Variants in CSMD1 observed in about 807,000 individuals in gnomAD.
CSMD1 encodes CUB and Sushi multiple domains 1, also known as CUB and sushi domain-containing protein 1.
A neutral mutation model predicts 417.5 loss-of-function variants in CSMD1; 213 were observed. The observed-to-expected ratio is 0.51, with a 90% CI of 0.46 to 0.57. The LOEUF (loss-of-function observed/expected upper bound fraction) is 0.57, where lower values mean the gene tolerates loss of function less well. CSMD1 is among the 20% of genes least tolerant of loss of function. The pLI is 0.00. For synonymous variants in CSMD1, 2,862 were observed against 1,736.8 expected (o/e 1.65, Z -16.11); for missense variants, 6,923 against 4,529.7 (o/e 1.53, Z -15.17).
intron 5 of CSMD1, among the ~76,000 whole-genome samples, chr8:3,761,690 G>A (rs945156597): frequency 6.6e-6 from 1 of 151,976 alleles, no homozygotes; most frequent in African/African-American, 2.4e-5. Context: ...ATTTTTAGTA[G>A]AGATGAGGTT....
chr8:4,273,748 C>T (rs1314774596), intron 3 of CSMD1, among the ~76,000 whole-genome samples: 3 of 152,170 alleles, frequency 2.0e-5, no homozygotes, highest in Admixed American at 6.6e-5. Context: ...AAAACACTGA[C>T]AGCTCAGCAA....
rs74994887 is a variant in CSMD1 at position 4,031,972 on chromosome 8, G to A, written c.543C>T (p.Ala181=). 7.8e-4 allele frequency: 1,264 copies of A among 1,613,974 alleles called. 9 individuals carry two copies. The African/African-American group carries it at 0.015, about 19-fold the overall frequency. The change falls in exon 4 of 70, where the codon GCC becomes GCT. Residue 181 remains alanine, a synonymous_variant. Coordinates refer to ENST00000635120, the MANE Select transcript of CSMD1 (RefSeq NM_033225.6). ...CLPGYILEGH[A]ILTCIVSPGN... is the part of the protein sequence containing the mutation. ...CTGGGCTGACGATGCAGGTCAGGAT[G>A]GCGTGGCCTTCCAAGATGTAGCCAG...
At chr8:4,021,145 C>T (rs1438360488) in intron 4 of CSMD1, among the ~76,000 whole-genome samples, 1 of 152,162 alleles carries the variant, frequency 6.6e-6, no homozygotes, top group East Asian at 1.9e-4. Context: ...GAAGTGTATG[C>T]AGCTCATGAG....
intron 3 of CSMD1, among the ~76,000 whole-genome samples, chr8:4,104,015 G>T (rs1246600105): frequency 6.6e-6 from 1 of 152,114 alleles, no homozygotes; most frequent in East Asian, 1.9e-4. Context: ...ACCTGCACAG[G>T]CCTGTCCCTG....
chr8:3,860,177 G>C (rs913616387), intron 5 of CSMD1, among the ~76,000 whole-genome samples: 5 of 152,122 alleles, frequency 3.3e-5, no homozygotes, highest in African/African-American at 9.7e-5. Context: ...GCAGGCAGTA[G>C]AAAGTTTGAG....
chr8:4,284,261 G>C (rs879718873), intron 3 of CSMD1, among the ~76,000 whole-genome samples: 1 of 152,036 alleles, frequency 6.6e-6, no homozygotes, highest in Non-Finnish European at 1.5e-5. Context: ...TTAGCTGCTC[G>C]CGAGGCTGAG....
chr8:4,088,765 C>T (rs141396154), intron 3 of CSMD1, among the ~76,000 whole-genome samples: 65 of 152,236 alleles, frequency 4.3e-4, no homozygotes, highest in Middle Eastern at 6.8e-3. Flanking sequence ...TTTATTCCAA[C>T]AGCCTCAGCT....
At chr8:4,173,740 T>C (rs1797890409) in intron 3 of CSMD1, among the ~76,000 whole-genome samples, 1 of 152,054 alleles carries the variant, frequency 6.6e-6, no homozygotes, top group Non-Finnish European at 1.5e-5. Context: ...TTGTCATTAA[T>C]AAAAAACTTA....
intron 5 of CSMD1, among the ~76,000 whole-genome samples, chr8:3,950,801 GT>G (rs1178333195): frequency 2.0e-5 from 3 of 151,872 alleles, no homozygotes; most frequent in African/African-American, 7.3e-5. Context: ...ATATTCTTCG[GT>G]CATAATAGGT....
chr8:3,837,082 A>T (rs1802759494), intron 5 of CSMD1, among the ~76,000 whole-genome samples: 1 of 152,028 alleles, frequency 6.6e-6, no homozygotes, highest in South Asian at 2.1e-4. Context: ...AAGAGCTAGG[A>T]AGAACGCTAC....
intron 7 of CSMD1, among the ~76,000 whole-genome samples, chr8:3,618,339 T>G (rs962117835): frequency 2.6e-5 from 4 of 152,172 alleles, no homozygotes; most frequent in African/African-American, 9.6e-5. Context: ...GAGAATAAAT[T>G]TGGGTAACAT....
chr8:3,451,468 A>T (rs1453306293), intron 12 of CSMD1, among the ~76,000 whole-genome samples: 1 of 152,170 alleles, frequency 6.6e-6, no homozygotes, highest in Admixed American at 6.5e-5. Flanking sequence ...TTAAGTGTCC[A>T]ATTCATCTTG....
At chr8:3,196,306 A>G (rs1585623714) in intron 33 of CSMD1, among the ~76,000 whole-genome samples, 1 of 152,182 alleles carries the variant, frequency 6.6e-6, no homozygotes, top group Non-Finnish European at 1.5e-5. Flanking sequence ...AAAACTCACT[A>G]ATAATCCATC....
intron 17 of CSMD1, among the ~76,000 whole-genome samples, chr8:3,390,082 C>T (rs753429178): frequency 2.6e-5 from 4 of 152,098 alleles, no homozygotes; most frequent in East Asian, 1.9e-4. Flanking sequence ...TGGCTGGGCA[C>T]GGTGGCTCAT....
intron 2 of CSMD1, among the ~76,000 whole-genome samples, chr8:4,432,423 T>G (rs1265610964): frequency 1.3e-5 from 2 of 152,118 alleles, no homozygotes; most frequent in African/African-American, 4.8e-5. Flanking sequence ...TTTCCTAGAT[T>G]TGGAGCCTGG....
chr8:4,660,302 C>T (rs1804508702), intron 1 of CSMD1, among the ~76,000 whole-genome samples: 1 of 152,006 alleles, frequency 6.6e-6, no homozygotes, highest in African/African-American at 2.4e-5. Context: ...AAACGCAACA[C>T]AATTTAAAGC....
Position 4,982,907 on chromosome 8 carries a change from G to C in CSMD1, c.85+11425C>G, listed in dbSNP as rs76320645. Among the ~76,000 whole-genome samples the C allele has an allele frequency of 3.0e-3, 459 of 152,252 alleles. 11 individuals carry two copies. In the East Asian group the frequency reaches 0.074, roughly 25 times the overall value. On this transcript the variant is annotated intron_variant, in intron 1 of 69. Transcript: ENST00000635120. ...TGTAACTGCAGTTGTAAAAGAAAGA[G>C]ACTGATTAGCTCTTCTTTGTTCCAT...
intron 5 of CSMD1, among the ~76,000 whole-genome samples, chr8:3,808,912 C>A (rs377712608): frequency 2.4e-4 from 36 of 152,266 alleles, no homozygotes; most frequent in African/African-American, 8.4e-4. Flanking sequence ...TCTAGTCAGG[C>A]AAGCCTCAAT....
At chr8:4,017,791 C>G (rs749490154) in intron 4 of CSMD1, among the ~76,000 whole-genome samples, 1 of 152,044 alleles carries the variant, frequency 6.6e-6, no homozygotes, top group Admixed American at 6.6e-5. Context: ...TCTTTGTAAT[C>G]TGCATTTGGA....
Sources: allele counts gnomAD v4.1 joint callset (sites outside exome capture counted in the v4.1 genomes callset), GRCh38; gene constraint gnomAD v4.1.1; transcripts MANE v1.5; gene names NCBI Gene and HGNC (gene_info 2026-07-23, HGNC 2026-07-21).